Variants in JAKMIP2 observed in about 807,000 individuals in gnomAD.
JAKMIP2 encodes the protein janus kinase and microtubule-interacting protein 2.
Under a neutral mutation model 115.0 loss-of-function variants are expected in JAKMIP2, and 25 were observed. That is an observed-to-expected ratio of 0.22 (90% confidence interval 0.16 to 0.30). The LOEUF (loss-of-function observed/expected upper bound fraction) is 0.30, where lower values mean the gene tolerates loss of function less well. JAKMIP2 is among the 10% of genes least tolerant of loss of function. JAKMIP2 has a pLI of 1.00. For synonymous variants in JAKMIP2, 334 were observed against 343.6 expected (o/e 0.97, Z 0.31); for missense variants, 642 against 957.6 (o/e 0.67, Z 4.35).
chr5:147,607,509 T>A (rs1201811152), intron 20 of JAKMIP2, among the ~76,000 whole-genome samples: 1 of 152,212 alleles, frequency 6.6e-6, no homozygotes, highest in African/African-American at 2.4e-5. Context: ...CAGGCTTGCA[T>A]CCCAGGGATG....
rs752851513 is a variant in JAKMIP2 at position 147,591,683 on chromosome 5, T to C, written c.*24A>G. ...CTGGGATCTTATCCATGTTTTCGGT[T>C]ACTCTGCAAAACAGAGGAAAAAAAT... On this transcript the variant is annotated 3_prime_UTR_variant, in exon 22 of 22. Coordinates refer to ENST00000616793, the MANE Select transcript of JAKMIP2 (RefSeq NM_001270941.2). 1 of 1,582,340 alleles carries C rather than the reference T, an allele frequency of 6.3e-7. No homozygotes were observed. The highest frequency in any genetic ancestry group is 1.7e-5 in the Admixed American group (1 of 57,484).
At chr5:147,702,653 A>G (rs185642793) in intron 1 of JAKMIP2, among the ~76,000 whole-genome samples, 2 of 124,074 alleles carry the variant, frequency 1.6e-5, no homozygotes, top group African/African-American at 7.8e-5. Context: ...AGAAAGAAAG[A>G]AAGAAAGAAA....
rs773341699 is a variant in JAKMIP2, at chr5:147,660,992, T to C, written c.583A>G (p.Ile195Val). The change falls in exon 3 of 22, where the codon ATC (isoleucine) becomes GTC (valine). Residue 195 changes from isoleucine (I) to valine (V), a missense_variant. Coordinates refer to ENST00000616793, the MANE Select transcript of JAKMIP2 (RefSeq NM_001270941.2). ...TCCGACTCCCACTTGATCTTCGAGATGGCTTCTTGGTGGGACTGATGCTCA... is the reference window on the plus strand; with the variant it reads ...TCCGACTCCCACTTGATCTTCGAGACGGCTTCTTGGTGGGACTGATGCTCA... ...RSEHQSHQEA[I>V]SKIKWESERD... is the part of the protein sequence containing the mutation. 12 of 1,613,950 alleles carry C rather than the reference T, an allele frequency of 7.4e-6. No homozygotes were observed. Among genetic ancestry groups the C allele is most frequent in the African/African-American group, 2.7e-5 (2 of 74,902 alleles).
intron 19 of JAKMIP2, among the ~76,000 whole-genome samples, chr5:147,613,367 T>C (rs1756423294): frequency 6.6e-6 from 1 of 152,108 alleles, no homozygotes; most frequent in Non-Finnish European, 1.5e-5. Flanking sequence ...AGAGAGGTTT[T>C]TATAATGCAA....
At chr5:147,638,763 ATGACTG>A (rs1395068787) in intron 10 of JAKMIP2, among the ~76,000 whole-genome samples, 4 of 152,104 alleles carry the variant, frequency 2.6e-5, no homozygotes, top group African/African-American at 9.7e-5. Flanking sequence ...CCTGGTGATT[ATGACTG>A]TGAAGTCACA....
intron 1 of JAKMIP2, among the ~76,000 whole-genome samples, chr5:147,708,158 A>C (rs1752649932): frequency 6.6e-6 from 1 of 152,222 alleles, no homozygotes. Context: ...TTAAGTGACA[A>C]TGGAAAAATA....
chr5:147,682,031 C>T (rs1257152520), intron 1 of JAKMIP2, among the ~76,000 whole-genome samples: 1 of 135,548 alleles, frequency 7.4e-6, no homozygotes, highest in Admixed American at 7.6e-5. Flanking sequence ...CAGAATGAAA[C>T]TCTGTTTCAA....
intron 1 of JAKMIP2, among the ~76,000 whole-genome samples, chr5:147,712,808 G>T (rs1040690931): frequency 6.6e-6 from 1 of 152,138 alleles, no homozygotes; most frequent in Non-Finnish European, 1.5e-5. Context: ...AGCAAAAATG[G>T]AAGGGCATAC....
At chr5:147,721,863 T>G (rs1451806648) in intron 1 of JAKMIP2, among the ~76,000 whole-genome samples, 2 of 152,144 alleles carry the variant, frequency 1.3e-5, no homozygotes, top group Non-Finnish European at 2.9e-5. Flanking sequence ...TCGGCCATCT[T>G]GGCTCCTCCA....
chr5:147,764,942 G>GAAAGAAA (rs1580895454), intron 1 of JAKMIP2, among the ~76,000 whole-genome samples: 1 of 91,572 alleles, frequency 1.1e-5, no homozygotes, highest in East Asian at 4.3e-4. Flanking sequence ...GAGAGAGAGA[G>GAAAGAAA]AGAGGGAGAG....
intron 1 of JAKMIP2, among the ~76,000 whole-genome samples, chr5:147,706,356 CT>C (rs1391557607): frequency 6.6e-6 from 1 of 152,088 alleles, no homozygotes; most frequent in Admixed American, 6.6e-5. Context: ...TCAGTCAAGG[CT>C]GGCAAGGAAG....
Position 147,587,554 on chromosome 5 carries a change from T to A in JAKMIP2, c.*4153A>T, listed in dbSNP as rs1754926298. 1 of 152,144 alleles carries A rather than the reference T, an allele frequency of 6.6e-6. No homozygotes were observed. The highest frequency in any genetic ancestry group is 2.4e-5 in the African/African-American group (1 of 41,448). The allele number at this position is 152,144 out of a possible 1,614,324, so 9.4% of individuals were successfully genotyped here. A position where few individuals can be genotyped will look rare whatever the true frequency, so the allele number is the denominator to read the frequency against. On this transcript the variant is annotated 3_prime_UTR_variant, in exon 22 of 22. Coordinates refer to ENST00000616793, the MANE Select transcript of JAKMIP2 (RefSeq NM_001270941.2). Reference sequence around the variant, plus strand: ...TCTTGATGTAATATAACACAGATGATCCAATTATTTAAACATCAACACAAA... The same window carrying A: ...TCTTGATGTAATATAACACAGATGAACCAATTATTTAAACATCAACACAAA...
intron 10 of JAKMIP2, among the ~76,000 whole-genome samples, chr5:147,637,530 C>T (rs2126706604): frequency 6.7e-6 from 1 of 150,312 alleles, no homozygotes; most frequent in African/African-American, 2.4e-5. Context: ...ACCTCCGCCT[C>T]CTGGGTTCAA....
chr5:147,714,953 G>T (rs1174857311), intron 1 of JAKMIP2, among the ~76,000 whole-genome samples: 1 of 151,970 alleles, frequency 6.6e-6, no homozygotes, highest in East Asian at 1.9e-4. Flanking sequence ...AGTGATATCT[G>T]GGCAAATGTA....
In JAKMIP2 at chr5:147,716,873, G is replaced by T. The variant is rs1170563155; in HGVS notation, c.-148-44919C>A. Among the ~76,000 whole-genome samples the T allele has an allele frequency of 5.3e-3, 638 of 120,222 alleles. 3 individuals carry two copies. In the East Asian group the frequency reaches 0.063, roughly 12 times the overall value. The allele number at this position is 120,222 out of a possible 152,430, so 78.9% of individuals were successfully genotyped here. Reference sequence around the variant, plus strand: ...AATTAGATCCCATTTGTCAATTTTGGCTTTTGTTGCCATTGCTTTTGGTGT... The same window carrying T: ...AATTAGATCCCATTTGTCAATTTTGTCTTTTGTTGCCATTGCTTTTGGTGT... On this transcript the variant is annotated intron_variant, in intron 1 of 21. Transcript: ENST00000616793.
chr5:147,690,528 A>C (rs1751782237), intron 1 of JAKMIP2, among the ~76,000 whole-genome samples: 1 of 139,748 alleles, frequency 7.2e-6, no homozygotes, highest in Non-Finnish European at 1.5e-5. Context: ...TCATGTAAAA[A>C]ACTAAAGAGA....
At chr5:147,712,614 A>G (rs1752824854) in intron 1 of JAKMIP2, among the ~76,000 whole-genome samples, 1 of 152,104 alleles carries the variant, frequency 6.6e-6, no homozygotes. Flanking sequence ...TTCACACATT[A>G]TAAAATTGCT....
chr5:147,689,540 T>A (rs1760734951), intron 1 of JAKMIP2, among the ~76,000 whole-genome samples: 1 of 152,098 alleles, frequency 6.6e-6, no homozygotes, highest in Non-Finnish European at 1.5e-5. Context: ...ATGGTAATCC[T>A]TTTTGGGTGG....
At chr5:147,750,934 T>C (rs573986808) in intron 1 of JAKMIP2, among the ~76,000 whole-genome samples, 1 of 152,210 alleles carries the variant, frequency 6.6e-6, no homozygotes, top group African/African-American at 2.4e-5. Context: ...GAGAAAAAAA[T>C]TCTGCTATTT....
Sources: allele counts gnomAD v4.1 joint callset (sites outside exome capture counted in the v4.1 genomes callset), GRCh38; gene constraint gnomAD v4.1.1; transcripts MANE v1.5; gene names NCBI Gene and HGNC (gene_info 2026-07-23, HGNC 2026-07-21).